The following CFLAR variants were observed in gnomAD, a reference collection of about 807,000 sequenced individuals.
The protein encoded by CFLAR is CASP8 and FADD like apoptosis regulator, also known as CASP8 and FADD-like apoptosis regulator.
Under a neutral mutation model 51.1 loss-of-function variants are expected in CFLAR, and 14 were observed. The ratio of observed to expected loss-of-function variants is 0.27; its 90% CI spans 0.18 to 0.43. The LOEUF (loss-of-function observed/expected upper bound fraction) is 0.43. CFLAR is among the 20% of genes least tolerant of loss of function. CFLAR has a pLI of 1.00. For missense variants in CFLAR, 390 were observed against 566.5 expected, an observed-to-expected ratio of 0.69 and a Z score of 3.16; for synonymous variants, 210 against 211.6, an observed-to-expected ratio of 0.99 and a Z score of 0.06.
At chr2:201,143,834 C>A (rs1308576797) in intron 5 of CFLAR, among the ~76,000 whole-genome samples, 1 of 151,758 alleles carries the variant, frequency 6.6e-6, no homozygotes, top group Non-Finnish European at 1.5e-5. Flanking sequence ...CAGTGGCAGG[C>A]GCCTATAATC....
chr2:201,164,693 A>C lies in CFLAR; in HGVS notation c.*720A>C, dbSNP rs1373898261. On this transcript the variant is annotated 3_prime_UTR_variant, in exon 10 of 10. Transcript: ENST00000309955. ...CCTTTGGCAGCACCCTCACAGATGT[A>C]CCCGGGAACACTTTGCATCCTTCTA... The C allele has an allele frequency of 2.0e-5, 3 of 152,278 alleles. No individual in the cohort carries two copies. In the East Asian group the frequency reaches 5.8e-4, roughly 29 times the overall value. The allele number at this position is 152,278 out of a possible 1,614,324, so 9.4% of individuals were successfully genotyped here. A position where few individuals can be genotyped will look rare whatever the true frequency, so the allele number is the denominator to read the frequency against.
At chr2:201,161,217 T>A (rs961000612) in intron 9 of CFLAR, among the ~76,000 whole-genome samples, 2 of 152,070 alleles carry the variant, frequency 1.3e-5, no homozygotes, top group Non-Finnish European at 2.9e-5. Context: ...TAAACATTTT[T>A]AAAATTAGTT....
intron 5 of CFLAR, among the ~76,000 whole-genome samples, chr2:201,143,965 T>C (rs1191788495): frequency 6.6e-6 from 1 of 151,936 alleles, no homozygotes; most frequent in Non-Finnish European, 1.5e-5. Context: ...AAAAAAAGAA[T>C]TTAAAAATTA....
intron 8 of CFLAR, 75 bp downstream of exon 8, chr2:201,149,910 G>C (rs563985713): frequency 9.5e-5 from 107 of 1,130,056 alleles, no homozygotes; most frequent in African/African-American, 6.9e-4. Context: ...ATTCATTGGA[G>C]TGATCAGCAC....
In CFLAR at chr2:201,149,033, C is replaced by T. The variant is rs1435491846; in HGVS notation, c.692C>T (p.Ser231Leu). 1.9e-6 allele frequency: 3 copies of T among 1,611,962 alleles called. No homozygotes were observed. The highest frequency in any genetic ancestry group is 2.5e-6 in the Non-Finnish European group (3 of 1,178,186). ...QEPVKKSIQE[S>L]EAFLPQSIPE... is the part of the protein sequence containing the mutation. Reference sequence around the variant, plus strand: ...CCAGTGAAGAAATCCATTCAGGAATCAGAAGCTTTTTTGCCTCAGGTACAG... The same window carrying T: ...CCAGTGAAGAAATCCATTCAGGAATTAGAAGCTTTTTTGCCTCAGGTACAG... The change falls in exon 7 of 10, where the codon TCA becomes TTA. Residue 231 changes from serine to leucine, a missense_variant. Coordinates refer to ENST00000309955, the MANE Select transcript of CFLAR (RefSeq NM_003879.7).
At chr2:201,136,621 A>T in intron 4 of CFLAR, 1 of 1,423,782 alleles carries the variant, frequency 7.0e-7, no homozygotes, top group African/African-American at 1.4e-5. Flanking sequence ...TGCATTCCTC[A>T]TTGTCTTTTA....
intron 3 of CFLAR, among the ~76,000 whole-genome samples, chr2:201,134,233 A>C (rs1315384469): frequency 6.6e-6 from 1 of 151,852 alleles, no homozygotes; most frequent in African/African-American, 2.4e-5. Context: ...ACTTGAACCC[A>C]GGAGGCGGAG....
intron 5 of CFLAR, 61 bp downstream of exon 5, chr2:201,140,500 A>G (rs1002525850): frequency 1.6e-6 from 2 of 1,233,886 alleles, no homozygotes; most frequent in East Asian, 5.0e-5. Context: ...TCTAATAAAA[A>G]TATGCATATT....
In CFLAR at chr2:201,175,276, GACCTCTTGGGCTGAGCCTTA is replaced by G. The variant is rs1381493153; in HGVS notation, c.*11308_*11327del. ...CTTGAATTCTTTCCTGAACCCACTT[GACCTCTTGGGCTGAGCCTTA>G]ACCTTGGGGTACTTTTGCCTATAAC... On this transcript the variant is annotated 3_prime_UTR_variant, in exon 10 of 10. Coordinates refer to ENST00000309955, the MANE Select transcript of CFLAR (RefSeq NM_003879.7). The G allele has an allele frequency of 6.6e-6, 1 of 152,096 alleles. No individual in the cohort carries two copies. Among genetic ancestry groups the G allele is most frequent in the Non-Finnish European group, 1.5e-5 (1 of 68,028 alleles). 9.4% of individuals were successfully genotyped at this position (152,096 alleles called of 1,614,324 possible).
chr2:201,139,803 T>C (rs1250565955), intron 4 of CFLAR: 1 of 152,866 alleles, frequency 6.5e-6, no homozygotes, highest in Non-Finnish European at 1.5e-5. Flanking sequence ...CAATAAATAC[T>C]AAGGGAACTA....
chr2:201,119,759 G>A (rs1443311589), intron 1 of CFLAR, among the ~76,000 whole-genome samples: 1 of 151,316 alleles, frequency 6.6e-6, no homozygotes, highest in Admixed American at 6.6e-5. Context: ...TTATAATTAT[G>A]AGTTAAAATA....
chr2:201,171,377 A>G lies in CFLAR; in HGVS notation c.*7404A>G, dbSNP rs1050446364. The G allele has an allele frequency of 6.6e-6, 1 of 152,172 alleles. No homozygotes were observed. Among genetic ancestry groups the G allele is most frequent in the African/African-American group, 2.4e-5 (1 of 41,428 alleles). 9.4% of individuals were successfully genotyped at this position (152,172 alleles called of 1,614,324 possible). A position where few individuals can be genotyped will look rare whatever the true frequency, so the allele number is the denominator to read the frequency against. On this transcript the variant is annotated 3_prime_UTR_variant, in exon 10 of 10. Transcript: ENST00000309955. ...GACATGGATGAAGCTGGAAGCCATT[A>G]TCCTCAGCAAACTAACAGAGGAGCA...
chr2:201,142,205 G>T (rs1399916549), intron 5 of CFLAR, among the ~76,000 whole-genome samples: 1 of 151,958 alleles, frequency 6.6e-6, no homozygotes, highest in East Asian at 1.9e-4. Context: ...AGCCTGGGAG[G>T]TTGAGGCTGC....
At position 201,164,933 on chromosome 2, in the gene CFLAR, AAG is replaced by A. The variant is rs1943395557; in HGVS notation, c.*963_*964del. 6.6e-6 allele frequency: 1 copy of A among 152,100 alleles called. No individual in the cohort carries two copies. Among genetic ancestry groups the A allele is most frequent in the South Asian group, 2.1e-4 (1 of 4,824 alleles). 9.4% of individuals were successfully genotyped at this position (152,100 alleles called of 1,614,324 possible). A position where few individuals can be genotyped will look rare whatever the true frequency, so the allele number is the denominator to read the frequency against. On this transcript the variant is annotated 3_prime_UTR_variant, in exon 10 of 10. Transcript: ENST00000309955. ...TTTTGATGTTCTCACATGGCAGAAAAAGAGGATGCAAACTCTCAAGTATATCT... is the reference window on the plus strand; with the variant it reads ...TTTTGATGTTCTCACATGGCAGAAAAAGGATGCAAACTCTCAAGTATATCT...
Position 201,129,908 on chromosome 2 carries a change from A to G in CFLAR, c.43A>G (p.Thr15Ala), listed in dbSNP as rs1376865553. Residue 15 changes from threonine (T) to alanine (A), a missense_variant, in exon 2 of 10, where the codon ACA (threonine) becomes GCA (alanine). Coordinates refer to ENST00000309955, the MANE Select transcript of CFLAR (RefSeq NM_003879.7). Reference protein sequence around the residue: ...VIHQVEEALDTDEKEMLLFLC... With the variant: ...VIHQVEEALDADEKEMLLFLC... ...CCATCAGGTTGAAGAAGCACTTGAT[A>G]CAGATGAGAAGGAGATGCTGCTCTT... The G allele has an allele frequency of 6.2e-7, 1 of 1,614,198 alleles. No homozygotes were observed. Among genetic ancestry groups the G allele is most frequent in the Non-Finnish European group, 8.5e-7 (1 of 1,180,046 alleles).
rs544118221 is a variant in CFLAR, at chr2:201,174,326, C to T, written c.*10353C>T. ...AAGCATCCAGCCTCATTCTTTTGCA[C>T]ATAAATGTTCACTTGTCTTAGCATT... is the stretch of plus-strand genomic sequence containing the variant. On this transcript the variant is annotated 3_prime_UTR_variant, in exon 10 of 10. Coordinates refer to ENST00000309955, the MANE Select transcript of CFLAR (RefSeq NM_003879.7). 1 of 152,296 alleles carries T rather than the reference C, an allele frequency of 6.6e-6. No homozygotes were observed. The highest frequency in any genetic ancestry group is 6.5e-5 in the Admixed American group (1 of 15,298). The allele number at this position is 152,296 out of a possible 1,614,324, so 9.4% of individuals were successfully genotyped here.
Position 201,171,148 on chromosome 2 carries a change from G to A in CFLAR, c.*7175G>A, listed in dbSNP as rs1168451060. On this transcript the variant is annotated 3_prime_UTR_variant, in exon 10 of 10. Transcript: ENST00000309955. The stretch of plus-strand genomic sequence containing the variant: ...GATACAATGGACTTTGGGGACTTAG[G>A]GGAAAGGGTGGGAGGGGGGTGAAGG... 6.6e-6 allele frequency: 1 copy of A among 152,118 alleles called. No homozygotes were observed. The highest frequency in any genetic ancestry group is 1.9e-4 in the East Asian group (1 of 5,198). 9.4% of individuals were successfully genotyped at this position (152,118 alleles called of 1,614,324 possible).
chr2:201,160,548 G>T lies in CFLAR; in HGVS notation c.910G>T (p.Asp304Tyr). Residue 304 changes from aspartate to tyrosine, a missense_variant, in exon 9 of 10, where the codon GAC becomes TAC. By Grantham distance (160) the Asp-to-Tyr change is radical. Around this residue, in one of 2 missense-constraint regions of CFLAR, gnomAD observed 287 missense variants for 363.6 expected, o/e 0.79. Transcript: ENST00000309955. ...GQFACMPEHR[D>Y]YDSFVCVLVS... ...ATTTGCCTGTATGCCCGAGCACCGA[G>T]ACTACGACAGCTTTGTGTGTGTCCT... 6.2e-7 allele frequency: 1 copy of T among 1,614,036 alleles called. No homozygotes were observed.
intron 3 of CFLAR, 60 bp downstream of exon 3, chr2:201,133,194 T>A: frequency 8.0e-7 from 1 of 1,251,704 alleles, no homozygotes; most frequent in Non-Finnish European, 1.2e-6. Context: ...GAGCTACTCT[T>A]GTTGATACAG....
Sources: allele counts gnomAD v4.1 joint callset (sites outside exome capture counted in the v4.1 genomes callset), GRCh38; gene constraint gnomAD v4.1.1; regional missense constraint gnomAD v4.1.1; transcripts MANE v1.5; gene names NCBI Gene and HGNC (gene_info 2026-07-23, HGNC 2026-07-21).